Variants in PTPRG observed in about 807,000 individuals in gnomAD.
The protein encoded by PTPRG is protein tyrosine phosphatase receptor type G.
Under a neutral mutation model 165.3 loss-of-function variants are expected in PTPRG, and 102 were observed. The observed-to-expected ratio is 0.62, with a 90% CI of 0.53 to 0.73. The LOEUF (loss-of-function observed/expected upper bound fraction) is 0.73. Among genes scored for constraint, PTPRG ranks in the 30% least tolerant of loss-of-function variants. The pLI is 0.00. For synonymous variants in PTPRG, 675 were observed against 669.5 expected, an observed-to-expected ratio of 1.01 and a Z score of -0.13; for missense variants, 1,866 against 1,861.4, an observed-to-expected ratio of 1.00 and a Z score of -0.05.
At chr3:61,813,907 G>C (rs932685094) in intron 2 of PTPRG, among the ~76,000 whole-genome samples, 4 of 139,240 alleles carry the variant, frequency 2.9e-5, no homozygotes, top group African/African-American at 5.7e-5. Context: ...TTTTTTTTTG[G>C]GGGGGGTTGG....
chr3:61,805,417 TC>T (rs1406544527), intron 2 of PTPRG, among the ~76,000 whole-genome samples: 1 of 151,972 alleles, frequency 6.6e-6, no homozygotes, highest in Non-Finnish European at 1.5e-5. Context: ...TCTCCTTATT[TC>T]TTTATTTCAA....
At chr3:62,247,352 A>C (rs779914608) in intron 15 of PTPRG, among the ~76,000 whole-genome samples, 5 of 151,996 alleles carry the variant, frequency 3.3e-5, no homozygotes, top group South Asian at 4.1e-4. Context: ...AAGACTTCAG[A>C]CTCCTCATTT....
intron 2 of PTPRG, among the ~76,000 whole-genome samples, chr3:61,830,585 T>C (rs1451802854): frequency 6.9e-6 from 1 of 145,886 alleles, no homozygotes; most frequent in African/African-American, 2.6e-5. Flanking sequence ...TTTTTTTTTT[T>C]TTTTTGGAGA....
intron 1 of PTPRG, among the ~76,000 whole-genome samples, chr3:61,628,293 A>G (rs962791260): frequency 1.3e-5 from 2 of 151,866 alleles, no homozygotes; most frequent in African/African-American, 2.4e-5. Context: ...TGCCCTGTCA[A>G]CTTCTTATCT....
intron 1 of PTPRG, among the ~76,000 whole-genome samples, chr3:61,696,187 T>A (rs1287115414): frequency 6.6e-6 from 1 of 152,136 alleles, no homozygotes; most frequent in African/African-American, 2.4e-5. Context: ...TGCAAATTGA[T>A]ACGAGTACAT....
chr3:62,172,364 C>T lies in PTPRG; in HGVS notation c.1033+4201C>T, dbSNP rs577764242. ...TGGTGGCATCAGTTTACATTCCCATCAACAGTGTATGAGGGTTTCAATTTC... is the reference window on the plus strand; with the variant it reads ...TGGTGGCATCAGTTTACATTCCCATTAACAGTGTATGAGGGTTTCAATTTC... On this transcript the variant is annotated intron_variant, in intron 8 of 29. Transcript: ENST00000474889. Among the ~76,000 whole-genome samples, 11 of 152,332 alleles carry T rather than the reference C, an allele frequency of 7.2e-5. No individual in the cohort carries two copies. In the South Asian group the frequency reaches 2.1e-3, roughly 29 times the overall value.
chr3:61,602,166 T>A (rs1198735193), intron 1 of PTPRG, among the ~76,000 whole-genome samples: 2 of 152,066 alleles, frequency 1.3e-5, no homozygotes, highest in Admixed American at 6.5e-5. Flanking sequence ...TTTTTTTAAA[T>A]TTTTAATTTC....
intron 1 of PTPRG, among the ~76,000 whole-genome samples, chr3:61,645,254 C>A (rs560746208): frequency 9.2e-5 from 14 of 152,334 alleles, no homozygotes; most frequent in African/African-American, 3.1e-4. Flanking sequence ...TAAAAGCTCT[C>A]CCAGTTGGGT....
intron 1 of PTPRG, among the ~76,000 whole-genome samples, chr3:61,715,154 A>C (rs561072999): frequency 6.6e-6 from 1 of 151,152 alleles, no homozygotes; most frequent in African/African-American, 2.4e-5. Flanking sequence ...TACAGAGAGA[A>C]TCATCTCCTG....
intron 2 of PTPRG, among the ~76,000 whole-genome samples, chr3:61,847,571 G>A (rs57229678): frequency 0.12 from 18,040 of 152,216 alleles, 1,638 homozygotes; most frequent in East Asian, 0.48. Context: ...CTTGGACAGC[G>A]AGGACACTGA....
intron 1 of PTPRG, among the ~76,000 whole-genome samples, chr3:61,728,874 CAAAAAAAAAAAAA>C: frequency 9.7e-6 from 1 of 102,996 alleles, no homozygotes; most frequent in South Asian, 3.2e-4. Flanking sequence ...TAATCTGTAC[CAAAAAAAAAAAAA>C]AAAAAGAAAG....
chr3:61,685,624 G>A (rs1316191732), intron 1 of PTPRG, among the ~76,000 whole-genome samples: 1 of 152,184 alleles, frequency 6.6e-6, no homozygotes, highest in Non-Finnish European at 1.5e-5. Flanking sequence ...GGAACCTGAA[G>A]GTTCTTTGCA....
intron 4 of PTPRG, among the ~76,000 whole-genome samples, chr3:62,012,621 G>A (rs1434212413): frequency 6.6e-6 from 1 of 152,040 alleles, no homozygotes; most frequent in African/African-American, 2.4e-5. Context: ...TAATTTTATG[G>A]ATGAAACAAA....
intron 2 of PTPRG, among the ~76,000 whole-genome samples, chr3:61,894,021 AG>A (rs2038284104): frequency 6.6e-6 from 1 of 152,078 alleles, no homozygotes; most frequent in African/African-American, 2.4e-5. Context: ...CTAAGTTTAC[AG>A]GCTAATTAGA....
chr3:62,295,767 A>G lies in PTPRG; in HGVS notation c.*2460A>G, dbSNP rs533228840. The stretch of plus-strand genomic sequence containing the variant: ...GCCAAAGTAGTCCAAACACACTTCA[A>G]TGAGGACAGTTATATTTAGCAGGTC... On this transcript the variant is annotated 3_prime_UTR_variant, in exon 30 of 30. Transcript: ENST00000474889. 18 of 152,096 alleles carry G rather than the reference A, an allele frequency of 1.2e-4. No individual in the cohort carries two copies. The highest frequency in any genetic ancestry group is 1.0e-4 in the Non-Finnish European group (7 of 67,996). 9.4% of individuals were successfully genotyped at this position (152,096 alleles called of 1,614,324 possible).
intron 2 of PTPRG, among the ~76,000 whole-genome samples, chr3:61,868,508 C>T (rs1168064338): frequency 6.6e-6 from 1 of 152,218 alleles, no homozygotes; most frequent in East Asian, 1.9e-4. Flanking sequence ...AACACTCTGC[C>T]TTCTTTCCCT....
At chr3:61,989,593 A>G (rs2040834992) in intron 2 of PTPRG, 32 bp from the exon 3 acceptor site, 4 of 1,600,818 alleles carry the variant, frequency 2.5e-6, no homozygotes, top group African/African-American at 1.3e-5. Context: ...CCCTTGAACC[A>G]TGAGGATTGA....
intron 2 of PTPRG, among the ~76,000 whole-genome samples, chr3:61,764,193 T>C (rs1160662252): frequency 6.6e-6 from 1 of 152,142 alleles, no homozygotes; most frequent in Admixed American, 6.5e-5. Flanking sequence ...CCCTGTTCCT[T>C]TTGGAGGTCT....
At chr3:61,827,151 C>G (rs1447211300) in intron 2 of PTPRG, among the ~76,000 whole-genome samples, 1 of 152,232 alleles carries the variant, frequency 6.6e-6, no homozygotes, top group African/African-American at 2.4e-5. Flanking sequence ...TGGAGCTACC[C>G]TCTCAGCCTG....
Sources: allele counts gnomAD v4.1 joint callset (sites outside exome capture counted in the v4.1 genomes callset), GRCh38; gene constraint gnomAD v4.1.1; transcripts MANE v1.5; gene names NCBI Gene and HGNC (gene_info 2026-07-23, HGNC 2026-07-21).